Variants in TMOD1 observed in about 807,000 individuals in gnomAD.
TMOD1 encodes tropomodulin-1.
Under a neutral mutation model 40.6 loss-of-function variants are expected in TMOD1, and 17 were observed. The observed-to-expected ratio is 0.42, with a 90% CI of 0.29 to 0.63. TMOD1 has a LOEUF of 0.63. TMOD1 is among the 20% of genes least tolerant of loss of function. The pLI, the probability that TMOD1 is intolerant of heterozygous loss-of-function variation, is 0.22. For missense variants in TMOD1, 391 were observed against 447.6 expected, an observed-to-expected ratio of 0.87 and a Z score of 1.14; for synonymous variants, 181 against 175.0, an observed-to-expected ratio of 1.03 and a Z score of -0.27.
chr9:97,509,650 A>G (rs1829663588), intron 1 of TMOD1, among the ~76,000 whole-genome samples: 1 of 151,884 alleles, frequency 6.6e-6, no homozygotes, highest in African/African-American at 2.4e-5. Flanking sequence ...GCATGCCACC[A>G]TGCCCAGCTA....
chr9:97,564,198 G>T (rs908668700), intron 6 of TMOD1, 30 bp downstream of exon 6: 30 of 1,560,026 alleles, frequency 1.9e-5, no homozygotes, highest in Non-Finnish European at 2.6e-5. Context: ...CTTTACCTGT[G>T]TGTGGCTGGG....
At chr9:97,528,825 C>T (rs1830055952) in intron 2 of TMOD1, among the ~76,000 whole-genome samples, 1 of 152,258 alleles carries the variant, frequency 6.6e-6, no homozygotes, top group Non-Finnish European at 1.5e-5. Flanking sequence ...TGCCTTGGCA[C>T]CTAGGCCACT....
intron 8 of TMOD1, among the ~76,000 whole-genome samples, chr9:97,573,720 C>A (rs908071993): frequency 2.6e-5 from 4 of 152,164 alleles, no homozygotes; most frequent in African/African-American, 9.7e-5. Flanking sequence ...ACCGTGTGCA[C>A]CCGGCCTAGG....
intron 2 of TMOD1, among the ~76,000 whole-genome samples, chr9:97,526,571 C>T (rs1830017064): frequency 2.0e-5 from 3 of 152,118 alleles, no homozygotes; most frequent in African/African-American, 7.2e-5. Flanking sequence ...ATGTATCACA[C>T]CCTTTTTTTA....
chr9:97,595,124 G>A (rs887187966), intron 9 of TMOD1, among the ~76,000 whole-genome samples: 1 of 152,122 alleles, frequency 6.6e-6, no homozygotes. Context: ...ATTTGTAATT[G>A]TATATATTTA....
chr9:97,548,775 A>G (rs1430319401), intron 3 of TMOD1, among the ~76,000 whole-genome samples: 1 of 152,224 alleles, frequency 6.6e-6, no homozygotes, highest in Admixed American at 6.5e-5. Flanking sequence ...TACAGCAACA[A>G]GCCCAAAAGG....
intron 5 of TMOD1, among the ~76,000 whole-genome samples, chr9:97,563,276 C>A (rs1587945126): frequency 6.6e-6 from 1 of 152,278 alleles, no homozygotes; most frequent in East Asian, 1.9e-4. Context: ...TGGTCTCGAA[C>A]TCCTGGACTC....
chr9:97,540,197 A>G (rs1402874085), intron 2 of TMOD1, among the ~76,000 whole-genome samples: 2 of 152,114 alleles, frequency 1.3e-5, no homozygotes, highest in Non-Finnish European at 2.9e-5. Flanking sequence ...CTAACAAAAT[A>G]CCACAGACTA....
rs535296903 is a variant in TMOD1 at position 97,522,354 on chromosome 9, C to T, written c.-48-1787C>T. 1.9e-4 allele frequency among the ~76,000 whole-genome samples: 29 copies of T among 152,210 alleles called. 1 individual carries two copies. In the South Asian group the frequency reaches 5.8e-3, roughly 30 times the overall value. ...TTCTCTTAGTGTGCTATATCTGTGT[C>T]CAAATTTCCCGTTTATAAGGATCCC... On this transcript the variant is annotated intron_variant, in intron 1 of 9. Coordinates refer to ENST00000259365, the MANE Select transcript of TMOD1 (RefSeq NM_003275.4).
At chr9:97,522,201 T>C (rs536474644) in intron 1 of TMOD1, among the ~76,000 whole-genome samples, 40 of 152,320 alleles carry the variant, frequency 2.6e-4, no homozygotes, top group African/African-American at 8.4e-4. Context: ...AGGCTAGAAG[T>C]CTGAGATCAA....
At chr9:97,528,057 C>T (rs1361839366) in intron 2 of TMOD1, among the ~76,000 whole-genome samples, 1 of 152,234 alleles carries the variant, frequency 6.6e-6, no homozygotes, top group African/African-American at 2.4e-5. Flanking sequence ...CACCCCCAAA[C>T]TGGCAAAGAG....
At chr9:97,529,966 A>G (rs1331801429) in intron 2 of TMOD1, among the ~76,000 whole-genome samples, 1 of 152,198 alleles carries the variant, frequency 6.6e-6, no homozygotes, top group East Asian at 1.9e-4. Context: ...GGAGAAGCCG[A>G]GGCTTAGAGA....
intron 9 of TMOD1, among the ~76,000 whole-genome samples, chr9:97,595,857 G>C (rs1235945216): frequency 6.6e-6 from 1 of 152,060 alleles, no homozygotes; most frequent in Non-Finnish European, 1.5e-5. Flanking sequence ...CGGATCACCT[G>C]AGGTCAGGAG....
chr9:97,581,359 G>T (rs538640365), intron 8 of TMOD1, among the ~76,000 whole-genome samples: 1 of 151,352 alleles, frequency 6.6e-6, no homozygotes, highest in African/African-American at 2.4e-5. Context: ...ATTCCATGGT[G>T]TATATGTGCC....
chr9:97,569,029 G>C lies in TMOD1; in HGVS notation c.862G>C (p.Asp288His). The change falls in exon 8 of 10, where the codon GAC becomes CAC. Residue 288 changes from aspartate to histidine, a missense_variant. Coordinates refer to ENST00000259365, the MANE Select transcript of TMOD1 (RefSeq NM_003275.4). ...CACTTCTCTGGTGGAAATGAAAATT[G>C]ACAACCAGGTGAGATGGGCAACGGT... ...YNTSLVEMKI[D>H]NQSQPLGNKV... The C allele has an allele frequency of 6.2e-7, 1 of 1,614,114 alleles. No homozygotes were observed.
chr9:97,541,366 T>G (rs949494323), intron 2 of TMOD1, among the ~76,000 whole-genome samples: 1 of 151,964 alleles, frequency 6.6e-6, no homozygotes, highest in African/African-American at 2.4e-5. Flanking sequence ...TTTTGTATTT[T>G]TAGTAGAGAC....
chr9:97,543,012 A>G (rs752548662), intron 2 of TMOD1, among the ~76,000 whole-genome samples: 1 of 152,220 alleles, frequency 6.6e-6, no homozygotes, highest in Non-Finnish European at 1.5e-5. Flanking sequence ...ACAACAAGGA[A>G]GTGTCCAGCC....
chr9:97,580,473 G>A (rs941711179), intron 8 of TMOD1, among the ~76,000 whole-genome samples: 1 of 152,110 alleles, frequency 6.6e-6, no homozygotes, highest in Admixed American at 6.5e-5. Context: ...GAGTGTGGTG[G>A]CACATGCTTG....
intron 1 of TMOD1, among the ~76,000 whole-genome samples, chr9:97,522,844 T>C (rs890119894): frequency 1.3e-5 from 2 of 152,184 alleles, no homozygotes; most frequent in Non-Finnish European, 2.9e-5. Context: ...ATTACAAGCA[T>C]GAGCCACTGC....
Sources: gnomAD v4.1 joint callset for allele counts (sites outside exome capture counted in the v4.1 genomes callset) on GRCh38, gnomAD v4.1.1 for gene constraint, MANE v1.5 for transcripts, NCBI Gene and HGNC (gene_info 2026-07-23, HGNC 2026-07-21) for gene names.